Variants in KRT86 observed in about 807,000 individuals in gnomAD.
KRT86 encodes the protein keratin, type II cuticular Hb6.
A neutral mutation model predicts 41.2 loss-of-function variants in KRT86; 30 were observed. That is an observed-to-expected ratio of 0.73 (90% CI 0.54 to 0.99). The LOEUF (loss-of-function observed/expected upper bound fraction) is 0.99. Among genes scored for constraint, KRT86 ranks in the 50% least tolerant of loss-of-function variants. The pLI, the probability that KRT86 is intolerant of heterozygous loss-of-function variation, is 0.00. For missense variants in KRT86, 561 were observed against 571.4 expected, an observed-to-expected ratio of 0.98 and a Z score of 0.19; for synonymous variants, 238 against 238.1, an observed-to-expected ratio of 1.00 and a Z score of 0.00.
intron 2 of KRT86, chr12:52,288,299 T>G: frequency 6.2e-7 from 1 of 1,609,892 alleles, no homozygotes; most frequent in Non-Finnish European, 8.5e-7. Flanking sequence ...TGTCCAACAC[T>G]CCCACCCCCA....
chr12:52,294,099 G>A (rs926553207), intron 2 of KRT86, among the ~76,000 whole-genome samples: 10 of 152,142 alleles, frequency 6.6e-5, no homozygotes, highest in African/African-American at 1.7e-4. Context: ...GTCCCTTTGT[G>A]AGTTCAGGGC....
chr12:52,300,131 A>C (rs1269880351), intron 2 of KRT86, among the ~76,000 whole-genome samples: 1 of 152,204 alleles, frequency 6.6e-6, no homozygotes, highest in African/African-American at 2.4e-5. Flanking sequence ...TACAGTGAGA[A>C]ATAGATATTT....
chr12:52,300,893 C>T (rs1449294059), intron 2 of KRT86, among the ~76,000 whole-genome samples: 2 of 152,170 alleles, frequency 1.3e-5, no homozygotes, highest in Admixed American at 6.5e-5. Context: ...ACATTCAATC[C>T]TTGTCTAGGG....
rs73309382 is a variant in KRT86, at chr12:52,307,962, T to C, written c.1248-271T>C. On this transcript the variant is annotated intron_variant, in intron 9 of 10. Transcript: ENST00000423955. ...CAGTCCTCGCAAGAGATCTACGAAG[T>C]AGGTTTTCCTGATGAGGAAGCCTAG... Among the ~76,000 whole-genome samples, 1,674 of 152,362 alleles carry C rather than the reference T, an allele frequency of 0.011. 24 individuals are homozygous for C. Among genetic ancestry groups the C allele is most frequent in the African/African-American group, 0.038 (1,566 of 41,590 alleles).
chr12:52,301,879 T>C, intron 2 of KRT86, 34 bp from the exon 3 acceptor site: 1 of 1,613,596 alleles, frequency 6.2e-7, no homozygotes, highest in Non-Finnish European at 8.5e-7. Flanking sequence ...TTCGGACGTC[T>C]CCATCCTCAG....
intron 3 of KRT86, 140 bp downstream of exon 3, chr12:52,302,425 G>C: frequency 2.7e-6 from 1 of 368,168 alleles, no homozygotes; most frequent in Non-Finnish European, 4.6e-6. Flanking sequence ...CAGACACACA[G>C]ACAGACAGAC....
chr12:52,301,754 C>T, intron 2 of KRT86, 159 bp from the exon 3 acceptor site: 1 of 1,428,890 alleles, frequency 7.0e-7, no homozygotes, highest in Non-Finnish European at 9.7e-7. Context: ...ACAACCCAAG[C>T]CCATAAAGCC....
At chr12:52,305,537 G>T in intron 7 of KRT86, 126 bp from the exon 8 acceptor site, 2 of 1,598,594 alleles carry the variant, frequency 1.3e-6, no homozygotes, top group Non-Finnish European at 1.7e-6. Flanking sequence ...TGTTGGGGTG[G>T]TAGGGCAGGA....
At position 52,308,405 on chromosome 12, in the gene KRT86, C is replaced by A. The variant is rs561311116; in HGVS notation, c.1281C>A (p.Cys427Ter). The change falls in exon 11 of 11, where the codon TGC becomes TGA. Residue 427 changes from cysteine to a stop codon, truncating the protein, a stop_gained and splice_region_variant. Coordinates refer to ENST00000423955, the MANE Select transcript of KRT86 (RefSeq NM_001320198.2). LOFTEE classifies it high-confidence loss of function. The part of the protein sequence containing the change: ...LCEGVGSVNV[C>*]VSSSRGGVVC... ...CGCCTCCGTCTCTTTCCCCTGCAGG[C>A]GTCAGCAGCTCCCGCGGTGGCGTTG... 1.6e-5 allele frequency: 25 copies of A among 1,611,498 alleles called. No individual in the cohort carries two copies. The highest frequency in any genetic ancestry group is 2.2e-5 in the South Asian group (2 of 90,946).
At chr12:52,282,326 G>C (rs551161587) in intron 2 of KRT86, among the ~76,000 whole-genome samples, 1 of 151,392 alleles carries the variant, frequency 6.6e-6, no homozygotes, top group African/African-American at 2.4e-5. Context: ...TCCGCCTCCC[G>C]GGTTCACACC....
At chr12:52,307,670 C>T (rs539085539) in intron 9 of KRT86, among the ~76,000 whole-genome samples, 1 of 152,264 alleles carries the variant, frequency 6.6e-6, no homozygotes, top group Non-Finnish European at 1.5e-5. Flanking sequence ...AGTCTCTGAG[C>T]CTGTTCTAAA....
chr12:52,300,402 C>T (rs145499598), intron 2 of KRT86, among the ~76,000 whole-genome samples: 62 of 152,288 alleles, frequency 4.1e-4, no homozygotes, highest in African/African-American at 1.3e-3. Context: ...CTGAGCCCAC[C>T]GCTTCCTAAT....
intron 2 of KRT86, chr12:52,287,962 G>A: frequency 6.2e-7 from 1 of 1,614,158 alleles, no homozygotes; most frequent in Non-Finnish European, 8.5e-7. Context: ...CGTCTAGCAG[G>A]CAGGTGTCCT....
At chr12:52,291,458 C>G in intron 2 of KRT86, 1 of 1,612,922 alleles carries the variant, frequency 6.2e-7, no homozygotes, top group Non-Finnish European at 8.5e-7. Flanking sequence ...TCCTGATCCG[C>G]AGGTCATGAT....
Position 52,308,544 on chromosome 12 carries a change from G to A in KRT86, c.1420G>A (p.Ala474Thr). ...VGTTNACAPS[A>T]RVGVCGGSCK... is the part of the protein sequence containing the mutation. ...CACTACTAACGCCTGCGCCCCCTCC[G>A]CCCGGGTTGGCGTCTGCGGCGGCAG... is the stretch of plus-strand genomic sequence containing the variant. The change falls in exon 11 of 11, where the codon GCC (alanine) becomes ACC (threonine). Residue 474 changes from alanine (A) to threonine (T), a missense_variant. Physicochemically the swap from Ala to Thr is moderately conservative, Grantham distance 58 (BLOSUM62 0). Around this residue, in one of 3 missense-constraint regions of KRT86, gnomAD observed 397 missense variants for 375.9 expected, o/e 1.06. Transcript: ENST00000423955. The A allele has an allele frequency of 1.9e-6, 3 of 1,600,890 alleles. No homozygotes were observed. Among genetic ancestry groups the A allele is most frequent in the Non-Finnish European group, 2.5e-6 (3 of 1,179,804 alleles).
intron 2 of KRT86, among the ~76,000 whole-genome samples, chr12:52,284,959 A>G (rs544471400): frequency 7.9e-5 from 12 of 152,336 alleles, no homozygotes; most frequent in East Asian, 7.7e-4. Flanking sequence ...ACAGATATCA[A>G]TGTAATAAGA....
intron 2 of KRT86, chr12:52,286,160 A>G: frequency 2.1e-6 from 2 of 964,630 alleles, no homozygotes; most frequent in Non-Finnish European, 3.3e-6. Flanking sequence ...GTGCAGGAGA[A>G]GTAGCTGAGC....
chr12:52,300,882 G>T (rs1440162141), intron 2 of KRT86, among the ~76,000 whole-genome samples: 1 of 152,218 alleles, frequency 6.6e-6, no homozygotes, highest in Non-Finnish European at 1.5e-5. Flanking sequence ...AGGACATCCA[G>T]ACATTCAATC....
intron 2 of KRT86, chr12:52,288,110 G>C: frequency 6.2e-6 from 10 of 1,614,128 alleles, no homozygotes; most frequent in Non-Finnish European, 8.5e-6. Flanking sequence ...TGACAACCAC[G>C]GAGGTGTCTG....
Sources: allele counts gnomAD v4.1 joint callset (sites outside exome capture counted in the v4.1 genomes callset), GRCh38; gene constraint gnomAD v4.1.1; regional missense constraint gnomAD v4.1.1; transcripts MANE v1.5; gene names NCBI Gene and HGNC (gene_info 2026-07-23, HGNC 2026-07-21).